KIAA1217: variants seen among roughly 807,000 people sequenced by gnomAD.
KIAA1217 encodes the protein KIAA1217, also known as sickle tail protein homolog.
Under a neutral mutation model 163.9 loss-of-function variants are expected in KIAA1217, and 88 were observed. The observed-to-expected ratio is 0.54, with a 90% CI of 0.45 to 0.64. KIAA1217 has a LOEUF of 0.64. KIAA1217 is among the 30% of genes least tolerant of loss of function. The pLI, the probability that KIAA1217 is intolerant of heterozygous loss-of-function variation, is 0.00. For missense variants in KIAA1217, 2,372 were observed against 2,475.0 expected (o/e 0.96, Z 0.88); for synonymous variants, 903 against 923.1 (o/e 0.98, Z 0.39).
chr10:23,867,183 T>A (rs1051503175), intron 1 of KIAA1217, among the ~76,000 whole-genome samples: 7 of 152,138 alleles, frequency 4.6e-5, no homozygotes, highest in Admixed American at 4.6e-4. Context: ...CATGAACTCA[T>A]CATTTTTCAT....
intron 1 of KIAA1217, among the ~76,000 whole-genome samples, chr10:23,889,907 T>C (rs1041441155): frequency 6.6e-6 from 1 of 151,864 alleles, no homozygotes; most frequent in East Asian, 1.9e-4. Flanking sequence ...TAACAGATAA[T>C]CTTGTTCTCT....
At chr10:24,407,234 A>G (rs1661324626) in intron 3 of KIAA1217, among the ~76,000 whole-genome samples, 1 of 151,328 alleles carries the variant, frequency 6.6e-6, no homozygotes, top group African/African-American at 2.4e-5. Context: ...GAGACTATTT[A>G]CTTTGTGTCC....
chr10:24,400,150 A>G (rs935368473), intron 3 of KIAA1217, among the ~76,000 whole-genome samples: 46 of 152,326 alleles, frequency 3.0e-4, no homozygotes, highest in African/African-American at 9.6e-4. Context: ...AGCAGCAAAG[A>G]GGTTTGCCTC....
chr10:24,453,674 C>T (rs1232847838), intron 5 of KIAA1217, among the ~76,000 whole-genome samples: 2 of 152,204 alleles, frequency 1.3e-5, no homozygotes, highest in Non-Finnish European at 2.9e-5. Flanking sequence ...TAATGTATGA[C>T]TCCTCACATT....
chr10:23,823,720 AT>A (rs1441978774), intron 1 of KIAA1217, among the ~76,000 whole-genome samples: 1 of 152,224 alleles, frequency 6.6e-6, no homozygotes, highest in African/African-American at 2.4e-5. Flanking sequence ...AACAAAGAAT[AT>A]AAAAGTATTC....
intron 2 of KIAA1217, among the ~76,000 whole-genome samples, chr10:24,117,040 T>G (rs1299508705): frequency 6.6e-6 from 1 of 150,778 alleles, no homozygotes; most frequent in Non-Finnish European, 1.5e-5. Flanking sequence ...ATAGTGTTTT[T>G]TTTTTGGGTG....
At chr10:24,346,628 T>C (rs2047822701) in intron 2 of KIAA1217, among the ~76,000 whole-genome samples, 1 of 134,730 alleles carries the variant, frequency 7.4e-6, no homozygotes, top group South Asian at 2.6e-4. Flanking sequence ...TGAAGTGCAG[T>C]GGTGTGATCT....
At chr10:24,494,801 C>A (rs571841604) in intron 7 of KIAA1217, among the ~76,000 whole-genome samples, 197 bp downstream of exon 7, 1 of 150,998 alleles carries the variant, frequency 6.6e-6, no homozygotes, top group East Asian at 2.0e-4. Flanking sequence ...TCTGGTAATT[C>A]TTGGTCGAAA....
intron 5 of KIAA1217, among the ~76,000 whole-genome samples, chr10:24,440,610 T>C (rs1412223067): frequency 6.6e-6 from 1 of 152,206 alleles, no homozygotes; most frequent in Admixed American, 6.5e-5. Context: ...GCAGAACATG[T>C]GCTGTGGGTT....
At chr10:24,374,551 A>G (rs997552184) in intron 2 of KIAA1217, among the ~76,000 whole-genome samples, 1 of 152,164 alleles carries the variant, frequency 6.6e-6, no homozygotes, top group African/African-American at 2.4e-5. Context: ...CAAGATCATA[A>G]TAAAACTAAC....
At chr10:24,019,975 G>T (rs1406330877) in intron 2 of KIAA1217, among the ~76,000 whole-genome samples, 1 of 151,956 alleles carries the variant, frequency 6.6e-6, no homozygotes, top group Non-Finnish European at 1.5e-5. Flanking sequence ...TCCACATCAA[G>T]ATACATTACT....
chr10:23,965,578 GA>G (rs1479861672), intron 1 of KIAA1217, among the ~76,000 whole-genome samples: 4 of 152,208 alleles, frequency 2.6e-5, no homozygotes, highest in Admixed American at 1.3e-4. Context: ...TGCTACATTT[GA>G]AAACAATTAG....
In KIAA1217 at chr10:24,547,372, A is replaced by T. The variant is rs1592867943; in HGVS notation, c.*1048A>T. 6.5e-6 allele frequency: 1 copy of T among 152,784 alleles called. No individual in the cohort carries two copies. The highest frequency in any genetic ancestry group is 1.5e-5 in the Non-Finnish European group (1 of 68,042). 9.5% of individuals were successfully genotyped at this position (152,784 alleles called of 1,614,324 possible). On this transcript the variant is annotated 3_prime_UTR_variant, in exon 21 of 21. Coordinates refer to ENST00000376454, the MANE Select transcript of KIAA1217 (RefSeq NM_019590.5). ...ATCCATACATTTTTAAAAAGCAACAAGTTTGCACAGCTAGAGTGTTTTTGT... is the reference window on the plus strand; with the variant it reads ...ATCCATACATTTTTAAAAAGCAACATGTTTGCACAGCTAGAGTGTTTTTGT...
intron 1 of KIAA1217, among the ~76,000 whole-genome samples, chr10:23,959,937 A>T (rs1334719111): frequency 1.6e-5 from 2 of 125,894 alleles, no homozygotes; most frequent in Admixed American, 9.0e-5. Context: ...TTTTTTTGAG[A>T]CAGAGTCTCC....
chr10:24,279,972 G>C (rs546074997), intron 2 of KIAA1217, among the ~76,000 whole-genome samples: 8 of 152,288 alleles, frequency 5.3e-5, no homozygotes, highest in South Asian at 2.1e-4. Context: ...CTCAGTGAAG[G>C]CTCCTCTGTT....
intron 10 of KIAA1217, among the ~76,000 whole-genome samples, chr10:24,517,218 T>C (rs895980867): frequency 1.3e-5 from 2 of 151,880 alleles, no homozygotes; most frequent in African/African-American, 4.8e-5. Context: ...TATATATCCT[T>C]TTAATAATGG....
At position 23,787,668 on chromosome 10, in the gene KIAA1217, C is replaced by A. The variant is rs1168630899; in HGVS notation, c.-321+92434C>A. Among the ~76,000 whole-genome samples the A allele has an allele frequency of 2.6e-5, 4 of 152,232 alleles. No individual in the cohort carries two copies. The South Asian group carries it at 8.3e-4, about 32-fold the overall frequency. ...GTGAGGAGACAAACAAAACAAAAAT[C>A]CGCCACAATGCTCAAATTTCTAATT... On this transcript the variant is annotated intron_variant, in intron 1 of 18. Transcript: ENST00000376462.
intron 2 of KIAA1217, among the ~76,000 whole-genome samples, chr10:24,041,895 T>C (rs556780088): frequency 6.6e-6 from 1 of 152,216 alleles, no homozygotes; most frequent in African/African-American, 2.4e-5. Flanking sequence ...ACATTATTTT[T>C]CCCCTTCTAG....
intron 2 of KIAA1217, among the ~76,000 whole-genome samples, chr10:24,064,366 T>C (rs992196409): frequency 1.3e-5 from 2 of 152,184 alleles, no homozygotes; most frequent in Non-Finnish European, 2.9e-5. Flanking sequence ...GTTGAATTTT[T>C]TCAAAGGCCT....
Sources: allele counts gnomAD v4.1 joint callset (sites outside exome capture counted in the v4.1 genomes callset), GRCh38; gene constraint gnomAD v4.1.1; transcripts MANE v1.5; gene names NCBI Gene and HGNC (gene_info 2026-07-23, HGNC 2026-07-21).